Variants in PCDHGA7 observed in about 807,000 individuals in gnomAD.
The protein encoded by PCDHGA7 is protocadherin gamma subfamily A, 7.
In PCDHGA7, 44 loss-of-function variants were observed where a neutral mutation model predicts 58.3. The ratio of observed to expected loss-of-function variants is 0.75; its 90% confidence interval spans 0.59 to 0.97. PCDHGA7 has a LOEUF of 0.97. Ranked by LOEUF, PCDHGA7 falls within the 50% of genes least tolerant of loss-of-function variation. The probability of loss-of-function intolerance (pLI) is 0.00; values close to 1 mark genes in which losing one functional copy is unlikely to be tolerated. For missense variants in PCDHGA7, 1,266 were observed against 1,188.7 expected (o/e 1.06, Z -0.96); for synonymous variants, 516 against 504.2 (o/e 1.02, Z -0.31).
chr5:141,415,880 A>G, intron 1 of PCDHGA7: 1 of 1,003,078 alleles, frequency 1.0e-6, no homozygotes. Flanking sequence ...TGAGTACAAT[A>G]TTGACAATTC....
At position 141,490,118 on chromosome 5, in the gene PCDHGA7, T is replaced by G. The variant is rs1448768968; in HGVS notation, c.2425-4689T>G. The G allele has an allele frequency of 6.2e-7, 1 of 1,614,158 alleles. No individual in the cohort carries two copies. Among genetic ancestry groups the G allele is most frequent in the Non-Finnish European group, 8.5e-7 (1 of 1,180,048 alleles). On this transcript the variant is annotated intron_variant, in intron 1 of 3. Transcript: ENST00000518325. This position sits in a 1 kb window ranked among gnomAD's most constrained non-coding sequence, Gnocchi z 5.4. ...ACATCTGAGGCAGTGCGGAACCTCT[T>G]TGGCCTAGACCCTAGCAGTGGGGCA...
chr5:141,418,277 T>G, intron 1 of PCDHGA7: 2 of 1,614,026 alleles, frequency 1.2e-6, no homozygotes, highest in Non-Finnish European at 1.7e-6. Flanking sequence ...TGAAATAAAC[T>G]TAGAAATCAG....
At chr5:141,413,970 G>A in intron 1 of PCDHGA7, 1 of 1,613,450 alleles carries the variant, frequency 6.2e-7, no homozygotes, top group Non-Finnish European at 8.5e-7. Flanking sequence ...GCACTCAGCT[G>A]CTGACAGTCA....
intron 1 of PCDHGA7, among the ~76,000 whole-genome samples, chr5:141,473,366 A>T (rs1292258135): frequency 1.3e-5 from 2 of 152,202 alleles, no homozygotes; most frequent in Non-Finnish European, 2.9e-5. Context: ...GGCCACCAAA[A>T]TAGCATGGTC....
intron 1 of PCDHGA7, chr5:141,387,838 A>G: frequency 6.3e-7 from 1 of 1,598,726 alleles, no homozygotes; most frequent in East Asian, 2.2e-5. Context: ...GGTTATTTGT[A>G]ACCCGGCGTC....
intron 1 of PCDHGA7, chr5:141,414,287 C>G: frequency 6.2e-7 from 1 of 1,613,434 alleles, no homozygotes; most frequent in Non-Finnish European, 8.5e-7. Flanking sequence ...ACAGTCGTAG[C>G]CCTTTTAAAT....
intron 1 of PCDHGA7, among the ~76,000 whole-genome samples, chr5:141,480,259 G>A (rs1285833242): frequency 2.0e-5 from 3 of 151,174 alleles, no homozygotes; most frequent in African/African-American, 7.3e-5. Flanking sequence ...AAAAAAATGT[G>A]TTTTCATTAG....
chr5:141,449,300 T>C (rs2098635283), intron 1 of PCDHGA7, among the ~76,000 whole-genome samples: 1 of 152,090 alleles, frequency 6.6e-6, no homozygotes, highest in Non-Finnish European at 1.5e-5. Flanking sequence ...GGGTGAATTA[T>C]ATGTATTATA....
intron 1 of PCDHGA7, among the ~76,000 whole-genome samples, chr5:141,433,573 C>T (rs1400327372): frequency 1.3e-5 from 2 of 152,046 alleles, no homozygotes; most frequent in Admixed American, 1.3e-4. Flanking sequence ...CGGTGGCTCA[C>T]GCCTGTAATC....
chr5:141,416,828 C>T (rs1014962852), intron 1 of PCDHGA7: 2 of 152,042 alleles, frequency 1.3e-5, no homozygotes, highest in African/African-American at 4.8e-5. Context: ...CGAAGTTTCT[C>T]AAGACCCTTA....
chr5:141,409,195 T>G lies in PCDHGA7; in HGVS notation c.2424+23872T>G, dbSNP rs750681435. 3.7e-6 allele frequency: 6 copies of G among 1,613,890 alleles called. No homozygotes were observed. The African/African-American group carries it at 8.0e-5, about 22-fold the overall frequency. On this transcript the variant is annotated intron_variant, in intron 1 of 3. Transcript: ENST00000518325. Reference sequence around the variant, plus strand: ...ACGGAGGTGGTCTCTCTACCCAGTGTAAAGTAATCATAGAAATCCTTGATG... The same window carrying G: ...ACGGAGGTGGTCTCTCTACCCAGTGGAAAGTAATCATAGAAATCCTTGATG...
At position 141,477,166 on chromosome 5, in the gene PCDHGA7, G is replaced by A. The variant is rs753389305; in HGVS notation, c.2425-17641G>A. ...TTGTGGATGTGAATGACAACGCCCC[G>A]GAGATCACAGTCACCTCCGTGTACA... On this transcript the variant is annotated intron_variant, in intron 1 of 3. Transcript: ENST00000518325. This position sits in a 1 kb window ranked among gnomAD's most constrained non-coding sequence, Gnocchi z 4.9. 5.9e-5 allele frequency: 96 copies of A among 1,614,012 alleles called. 1 individual carries two copies. Among genetic ancestry groups the A allele is most frequent in the Non-Finnish European group, 7.9e-5 (93 of 1,180,030 alleles).
At chr5:141,495,896 CTCTG>C (rs1175207502) in intron 2 of PCDHGA7, among the ~76,000 whole-genome samples, 2 of 152,108 alleles carry the variant, frequency 1.3e-5, no homozygotes, top group Non-Finnish European at 2.9e-5. Flanking sequence ...CTCTCTTTGT[CTCTG>C]TCTCTGTATA....
At chr5:141,507,797 C>A (rs933921827) in intron 3 of PCDHGA7, among the ~76,000 whole-genome samples, 1 of 152,240 alleles carries the variant, frequency 6.6e-6, no homozygotes, top group Admixed American at 6.5e-5. Context: ...TCTAAGCCTG[C>A]GCCCTGGGGA....
At chr5:141,425,248 G>GGCTGGGAAA (rs2096864506) in intron 1 of PCDHGA7, among the ~76,000 whole-genome samples, 1 of 152,178 alleles carries the variant, frequency 6.6e-6, no homozygotes, top group Non-Finnish European at 1.5e-5. Context: ...AAAAGGATAT[G>GGCTGGGAAA]AGGTATTTGG....
intron 1 of PCDHGA7, chr5:141,388,956 G>A (rs1010974359): frequency 1.9e-6 from 3 of 1,613,964 alleles, no homozygotes; most frequent in South Asian, 1.1e-5. Flanking sequence ...TATGGAGGAC[G>A]CCGAGCTGGG....
chr5:141,397,172 G>C (rs1407642752), intron 1 of PCDHGA7, among the ~76,000 whole-genome samples: 3 of 152,128 alleles, frequency 2.0e-5, no homozygotes, highest in Non-Finnish European at 2.9e-5. Flanking sequence ...TAACTCTTAA[G>C]AATGAATTTA....
intron 1 of PCDHGA7, among the ~76,000 whole-genome samples, chr5:141,474,294 G>A (rs535055214): frequency 1.3e-5 from 2 of 152,296 alleles, no homozygotes; most frequent in African/African-American, 4.8e-5. Context: ...CTAGATCAGT[G>A]CTTGTCAAAC....
rs902072815 is a variant in PCDHGA7, at chr5:141,495,024, C to A, written c.2483+159C>A. On this transcript the variant is annotated intron_variant, in intron 2 of 3. Coordinates refer to ENST00000518325, the MANE Select transcript of PCDHGA7 (RefSeq NM_018920.4). ...GGTGTGCGGGGGGCTGGCACACAGACCCCGGAAGGAAGAGGCGACTGCCCT... is the reference window on the plus strand; with the variant it reads ...GGTGTGCGGGGGGCTGGCACACAGAACCCGGAAGGAAGAGGCGACTGCCCT... The A allele has an allele frequency of 1.6e-5, 16 of 973,368 alleles. No homozygotes were observed. In the South Asian group the frequency reaches 5.7e-4, roughly 35 times the overall value. The allele number at this position is 973,368 out of a possible 1,614,324, so 60.3% of individuals were successfully genotyped here. A position where few individuals can be genotyped will look rare whatever the true frequency, so the allele number is the denominator to read the frequency against.
Sources: gnomAD v4.1 joint callset for allele counts (sites outside exome capture counted in the v4.1 genomes callset) on GRCh38, gnomAD v4.1.1 for gene constraint, Gnocchi (gnomAD v3.1) non-coding constraint, MANE v1.5 for transcripts, NCBI Gene and HGNC (gene_info 2026-07-23, HGNC 2026-07-21) for gene names.